Variants in XIRP2 observed in about 807,000 individuals in gnomAD.
XIRP2 encodes xin actin binding repeat containing 2.
XIRP2 carries 236 observed loss-of-function variants against 277.0 expected under a neutral mutation model. The ratio of observed to expected loss-of-function variants is 0.85; its 90% CI spans 0.77 to 0.95. The LOEUF (loss-of-function observed/expected upper bound fraction) is 0.95. XIRP2 is among the 40% of genes least tolerant of loss of function. The pLI, the probability that XIRP2 is intolerant of heterozygous loss-of-function variation, is 0.00. For synonymous variants in XIRP2, 1,490 were observed against 1,416.5 expected, an observed-to-expected ratio of 1.05 and a Z score of -1.17; for missense variants, 4,640 against 4,157.5, an observed-to-expected ratio of 1.12 and a Z score of -3.19.
chr2:167,023,143 C>T (rs570095235), intron 2 of XIRP2, among the ~76,000 whole-genome samples: 1 of 152,272 alleles, frequency 6.6e-6, no homozygotes, highest in Non-Finnish European at 1.5e-5. Flanking sequence ...TAATGATTGC[C>T]ATTCTAACTG....
chr2:167,015,030 A>C (rs772536191), intron 2 of XIRP2, among the ~76,000 whole-genome samples: 9 of 151,814 alleles, frequency 5.9e-5, no homozygotes, highest in Non-Finnish European at 1.3e-4. Context: ...AAACATTTGT[A>C]GTGGTTCAAG....
chr2:166,897,304 G>T (rs1461949016), intron 1 of XIRP2, among the ~76,000 whole-genome samples: 1 of 152,212 alleles, frequency 6.6e-6, no homozygotes, highest in Middle Eastern at 3.4e-3. Context: ...CTACGGAAGT[G>T]TGCCTACTGC....
intron 3 of XIRP2, among the ~76,000 whole-genome samples, chr2:167,189,110 C>A (rs997663047): frequency 6.6e-6 from 1 of 152,154 alleles, no homozygotes; most frequent in African/African-American, 2.4e-5. Context: ...TTTACCTTTA[C>A]CATGTTTGAA....
intron 2 of XIRP2, among the ~76,000 whole-genome samples, chr2:167,065,854 G>T (rs56915757): frequency 0.015 from 2,258 of 151,864 alleles, 65 homozygotes; most frequent in African/African-American, 0.052. Context: ...AGGGCCAACA[G>T]GTTTGATTGT....
rs774630743 is a variant in XIRP2 at position 167,259,234 on chromosome 2, C to G, written c.*1417C>G. 10 of 1,613,388 alleles carry G rather than the reference C, an allele frequency of 6.2e-6. No individual in the cohort carries two copies. In the East Asian group the frequency reaches 2.0e-4, roughly 32 times the overall value. On this transcript the variant is annotated 3_prime_UTR_variant, in exon 11 of 11. Transcript: ENST00000409195. ...CAGAAGCTGCCCGCAATAATGAAAACACAGGTTTTGATGCTCTGAGCCATG... is the reference window on the plus strand; with the variant it reads ...CAGAAGCTGCCCGCAATAATGAAAAGACAGGTTTTGATGCTCTGAGCCATG...
At chr2:166,938,917 C>G (rs1005484059) in intron 2 of XIRP2, among the ~76,000 whole-genome samples, 5 of 152,136 alleles carry the variant, frequency 3.3e-5, no homozygotes, top group Admixed American at 6.6e-5. Context: ...ATTGCAACCC[C>G]TGCCTTTTTA....
chr2:167,185,663 A>T (rs1693134251), intron 3 of XIRP2, among the ~76,000 whole-genome samples: 1 of 152,142 alleles, frequency 6.6e-6, no homozygotes. Context: ...AAAATTGACT[A>T]TGTTTACATT....
intron 2 of XIRP2, among the ~76,000 whole-genome samples, chr2:166,960,481 T>C (rs1686272127): frequency 6.6e-6 from 1 of 151,700 alleles, no homozygotes; most frequent in African/African-American, 2.4e-5. Context: ...ATCATATTAC[T>C]GAATGTTTTC....
rs1356389217 is a variant in XIRP2, at chr2:167,247,072, G to A, written c.5680G>A (p.Asp1894Asn). The change falls in exon 9 of 11, where the codon GAT (aspartate) becomes AAT (asparagine). Residue 1894 changes from aspartate to asparagine, a missense_variant. By Grantham distance (23) the Asp-to-Asn change is conservative (BLOSUM62 1). Transcript: ENST00000409195. The stretch of plus-strand genomic sequence containing the variant: ...TAAACAGCCTGATGCCATCCCTGGT[G>A]ATATTGAAAAAGCTATTGAATGCCT... Reference protein sequence around the residue: ...ESKQPDAIPGDIEKAIECLEK... With the variant: ...ESKQPDAIPGNIEKAIECLEK... 5 of 1,612,236 alleles carry A rather than the reference G, an allele frequency of 3.1e-6. No individual in the cohort carries two copies. The highest frequency in any genetic ancestry group is 4.2e-6 in the Non-Finnish European group (5 of 1,179,486).
Position 167,244,768 on chromosome 2 carries a change from A to T in XIRP2, c.3376A>T (p.Thr1126Ser), listed in dbSNP as rs765468197. 6.2e-7 allele frequency: 1 copy of T among 1,613,456 alleles called. No individual in the cohort carries two copies. The highest frequency in any genetic ancestry group is 1.1e-5 in the South Asian group (1 of 90,952). The part of the protein sequence containing the change: ...SEEIHKGDVK[T>S]CTWLFETQPL... ...AGAAATTCATAAGGGAGATGTCAAA[A>T]CTTGTACTTGGCTCTTTGAAACTCA... Residue 1126 changes from threonine to serine, a missense_variant, in exon 9 of 11, where the codon ACT (threonine) becomes TCT (serine). Coordinates refer to ENST00000409195, the MANE Select transcript of XIRP2 (RefSeq NM_152381.6).
intron 4 of XIRP2, among the ~76,000 whole-genome samples, chr2:167,213,455 A>C (rs1001659512): frequency 6.6e-6 from 1 of 152,190 alleles, no homozygotes; most frequent in African/African-American, 2.4e-5. Flanking sequence ...TTGTAAAAAG[A>C]ACTTGAGGAC....
intron 3 of XIRP2, among the ~76,000 whole-genome samples, chr2:167,179,109 C>A (rs1692936408): frequency 6.6e-6 from 1 of 151,926 alleles, no homozygotes; most frequent in Non-Finnish European, 1.5e-5. Flanking sequence ...AAGCTGTGTT[C>A]TTTTTATGTA....
chr2:167,215,589 T>G (rs987914211), intron 4 of XIRP2, among the ~76,000 whole-genome samples: 2 of 152,198 alleles, frequency 1.3e-5, no homozygotes, highest in Non-Finnish European at 2.9e-5. Flanking sequence ...GTCCATGGTA[T>G]AGAAACCTCT....
chr2:166,949,361 A>G (rs2105393519), intron 2 of XIRP2, among the ~76,000 whole-genome samples: 2 of 152,194 alleles, frequency 1.3e-5, no homozygotes, highest in South Asian at 4.1e-4. Context: ...ATGCAACAAT[A>G]ATGATGGAGT....
At chr2:167,162,317 C>G (rs1239343699) in intron 3 of XIRP2, among the ~76,000 whole-genome samples, 1 of 152,216 alleles carries the variant, frequency 6.6e-6, no homozygotes, top group African/African-American at 2.4e-5. Context: ...CTGTATTAGT[C>G]TGTTCTCACG....
At chr2:166,937,334 T>A (rs1685547245) in intron 2 of XIRP2, among the ~76,000 whole-genome samples, 1 of 152,356 alleles carries the variant, frequency 6.6e-6, no homozygotes, top group South Asian at 2.1e-4. Flanking sequence ...TTTCTGCATC[T>A]ATTGAGATAA....
intron 2 of XIRP2, among the ~76,000 whole-genome samples, chr2:167,043,265 A>G (rs1688708173): frequency 6.6e-6 from 1 of 152,136 alleles, no homozygotes; most frequent in South Asian, 2.1e-4. Flanking sequence ...GAAGTCACAC[A>G]TAGAAGAACT....
chr2:167,196,121 CTCTT>C (rs1342049270), intron 3 of XIRP2, among the ~76,000 whole-genome samples: 1 of 152,078 alleles, frequency 6.6e-6, no homozygotes, highest in African/African-American at 2.4e-5. Context: ...CTTTAACTGA[CTCTT>C]TATTATTATA....
chr2:166,890,026 T>G (rs1684062967), intron 1 of XIRP2: 1 of 152,178 alleles, frequency 6.6e-6, no homozygotes, highest in East Asian at 1.9e-4. Flanking sequence ...GACAGAGTCT[T>G]GCTCTGTCAC....
Sources: gnomAD v4.1 joint callset for allele counts (sites outside exome capture counted in the v4.1 genomes callset) on GRCh38, gnomAD v4.1.1 for gene constraint, MANE v1.5 for transcripts, NCBI Gene and HGNC (gene_info 2026-07-23, HGNC 2026-07-21) for gene names.